The following ESRRG variants were observed in gnomAD, a reference collection of about 807,000 sequenced individuals.
The protein encoded by ESRRG is estrogen related receptor gamma, also known as estrogen-related receptor gamma.
In ESRRG, 13 loss-of-function variants were observed where a neutral mutation model predicts 44.0. That is an observed-to-expected ratio of 0.30 (90% confidence interval 0.19 to 0.47). The LOEUF (loss-of-function observed/expected upper bound fraction) is 0.47. Among genes scored for constraint, ESRRG ranks in the 20% least tolerant of loss-of-function variants. ESRRG has a pLI of 1.00. For synonymous variants in ESRRG, 215 were observed against 214.6 expected, an observed-to-expected ratio of 1.00 and a Z score of -0.02; for missense variants, 395 against 580.6, an observed-to-expected ratio of 0.68 and a Z score of 3.29.
intron 2 of ESRRG, among the ~76,000 whole-genome samples, chr1:216,771,688 T>C (rs1251841614): frequency 6.6e-6 from 1 of 152,132 alleles, no homozygotes; most frequent in Non-Finnish European, 1.5e-5. Flanking sequence ...TAGAAATATT[T>C]TGAGGAAGCA....
intron 1 of ESRRG, among the ~76,000 whole-genome samples, chr1:216,703,305 A>T (rs928312759): frequency 8.6e-5 from 13 of 151,292 alleles, no homozygotes; most frequent in Admixed American, 7.9e-4. Flanking sequence ...GATGATCTTT[A>T]AAAAAAAATC....
In ESRRG at chr1:216,947,733, C is replaced by T. The variant is rs535598631; in HGVS notation, c.-105-8060G>A. 7.2e-5 allele frequency among the ~76,000 whole-genome samples: 11 copies of T among 152,246 alleles called. No homozygotes were observed. In the South Asian group the frequency reaches 8.3e-4, roughly 12 times the overall value. ...GATCCATAGTGTCCTTCATTAACAC[C>T]CATCTTTTTCTCCTCCTTTCCTTTA... On this transcript the variant is annotated intron_variant, in intron 1 of 7. Transcript: ENST00000359162.
intron 2 of ESRRG, 39 bp downstream of exon 2, chr1:216,677,037 G>A (rs1464038301): frequency 6.6e-7 from 1 of 1,519,766 alleles, no homozygotes; most frequent in South Asian, 1.2e-5. Context: ...ATCATGTGAG[G>A]TTGGAAGTGG....
intron 1 of ESRRG, among the ~76,000 whole-genome samples, chr1:217,050,025 C>T (rs1041831476): frequency 2.6e-5 from 4 of 152,162 alleles, no homozygotes; most frequent in African/African-American, 9.7e-5. Context: ...AGATTTATGG[C>T]ATTATCCACA....
chr1:216,947,824 CTT>C (rs1404063924), intron 1 of ESRRG, among the ~76,000 whole-genome samples: 1 of 152,154 alleles, frequency 6.6e-6, no homozygotes, highest in African/African-American at 2.4e-5. Flanking sequence ...TCCAGCCACT[CTT>C]AAGCTTATAT....
Position 216,959,836 on chromosome 1 carries a change from C to T in ESRRG, c.-105-20163G>A, listed in dbSNP as rs374905605. ...ATGTATACATACATCTGTACATATACATGTATAGAGAATTTTTTAAGTAAT... is the reference window on the plus strand; with the variant it reads ...ATGTATACATACATCTGTACATATATATGTATAGAGAATTTTTTAAGTAAT... On this transcript the variant is annotated intron_variant, in intron 1 of 7. Coordinates refer to the ESRRG transcript ENST00000359162. Among the ~76,000 whole-genome samples the T allele has an allele frequency of 4.7e-3, 708 of 152,062 alleles. 9 individuals are homozygous for T. The highest frequency in any genetic ancestry group is 0.016 in the African/African-American group (672 of 41,476).
chr1:216,990,317 C>A (rs2075490744), intron 1 of ESRRG, among the ~76,000 whole-genome samples: 1 of 152,138 alleles, frequency 6.6e-6, no homozygotes, highest in African/African-American at 2.4e-5. Context: ...ACTACTTATC[C>A]AAATTTCAAA....
At chr1:217,030,812 C>T (rs775408367) in intron 1 of ESRRG, among the ~76,000 whole-genome samples, 7 of 152,142 alleles carry the variant, frequency 4.6e-5, no homozygotes, top group Non-Finnish European at 8.8e-5. Context: ...CTCCAAAGTG[C>T]AAAAATATCT....
Position 216,751,944 on chromosome 1 carries a change from G to T in ESRRG, c.-13-74453C>A, listed in dbSNP as rs141315658. On this transcript the variant is annotated intron_variant, in intron 2 of 7. Transcript: ENST00000359162. ...TTCATAAATTACAAACCACCAGAGT[G>T]AGAGTCATTATGTAGAATGGGCTCT... is the stretch of plus-strand genomic sequence containing the variant. 1.5e-3 allele frequency among the ~76,000 whole-genome samples: 234 copies of T among 152,238 alleles called. 1 individual carries two copies. The highest frequency in any genetic ancestry group is 5.4e-3 in the African/African-American group (224 of 41,562).
intron 1 of ESRRG, among the ~76,000 whole-genome samples, chr1:217,024,534 C>A (rs1270095110): frequency 6.6e-6 from 1 of 152,066 alleles, no homozygotes; most frequent in Non-Finnish European, 1.5e-5. Flanking sequence ...GAGACAAACA[C>A]ACCAAAGCCT....
intron 1 of ESRRG, among the ~76,000 whole-genome samples, chr1:217,051,676 G>A (rs943189200): frequency 1.3e-5 from 2 of 152,140 alleles, no homozygotes; most frequent in African/African-American, 4.8e-5. Flanking sequence ...AGATACCTGG[G>A]TTATGGCCTG....
chr1:216,550,492 G>A (rs558205325), intron 5 of ESRRG, among the ~76,000 whole-genome samples: 1 of 152,200 alleles, frequency 6.6e-6, no homozygotes, highest in Admixed American at 6.5e-5. Flanking sequence ...CTGCCAACAA[G>A]GCTGATATCC....
intron 2 of ESRRG, among the ~76,000 whole-genome samples, chr1:216,771,843 T>C (rs1476849938): frequency 3.0e-5 from 4 of 135,442 alleles, no homozygotes; most frequent in Admixed American, 8.4e-5. Flanking sequence ...TTGAAAGACA[T>C]AGCTAATGAG....
In ESRRG at chr1:216,839,303, T is replaced by G. The variant is rs376131429; in HGVS notation, c.-14+100279A>C. 7.9e-5 allele frequency among the ~76,000 whole-genome samples: 12 copies of G among 152,346 alleles called. No individual in the cohort carries two copies. The South Asian group carries it at 1.2e-3, about 16-fold the overall frequency. Reference sequence around the variant, plus strand: ...ATTCAGTTGCATCTTCAGGCTCCACTTCTAATTCTAGTTCTCTTGCTATTT... The same window carrying G: ...ATTCAGTTGCATCTTCAGGCTCCACGTCTAATTCTAGTTCTCTTGCTATTT... On this transcript the variant is annotated intron_variant, in intron 2 of 7. Coordinates refer to the ESRRG transcript ENST00000359162.
intron 3 of ESRRG, among the ~76,000 whole-genome samples, chr1:216,620,327 A>AATTGT (rs2150456134): frequency 6.6e-6 from 1 of 152,314 alleles, no homozygotes; most frequent in South Asian, 2.1e-4. Context: ...GGTCAGCCCT[A>AATTGT]ATTGTAAACC....
At chr1:216,587,194 G>A (rs190848930) in intron 3 of ESRRG, among the ~76,000 whole-genome samples, 239 of 152,218 alleles carry the variant, frequency 1.6e-3, no homozygotes, top group Non-Finnish European at 1.1e-3. Context: ...TTCACAATCC[G>A]TAATGTTGCT....
intron 1 of ESRRG, among the ~76,000 whole-genome samples, chr1:217,021,647 G>A (rs1015942415): frequency 2.0e-5 from 3 of 152,064 alleles, no homozygotes; most frequent in African/African-American, 7.2e-5. Flanking sequence ...TACGAAACAG[G>A]GACAGAGAGT....
At chr1:216,853,605 C>T (rs1482273755) in intron 2 of ESRRG, among the ~76,000 whole-genome samples, 2 of 152,102 alleles carry the variant, frequency 1.3e-5, no homozygotes, top group Non-Finnish European at 2.9e-5. Flanking sequence ...CACTAAGACC[C>T]CTGTCTCCCA....
At chr1:217,047,313 A>G (rs1389837305) in intron 1 of ESRRG, among the ~76,000 whole-genome samples, 1 of 152,156 alleles carries the variant, frequency 6.6e-6, no homozygotes, top group African/African-American at 2.4e-5. Context: ...CAAATTTGGC[A>G]TGTCCAAAAC....
Sources: gnomAD v4.1 joint callset for allele counts (sites outside exome capture counted in the v4.1 genomes callset) on GRCh38, gnomAD v4.1.1 for gene constraint, MANE v1.5 for transcripts, NCBI Gene and HGNC (gene_info 2026-07-23, HGNC 2026-07-21) for gene names.